Variants in ADORA3 observed in about 807,000 individuals in gnomAD.
ADORA3 encodes adenosine A3 receptor, also known as adenosine receptor A3.
ADORA3 carries 3 observed loss-of-function variants against 5.7 expected under a neutral mutation model. The ratio of observed to expected loss-of-function variants is 0.52; its 90% confidence interval spans 0.24 to 1.35. The LOEUF (loss-of-function observed/expected upper bound fraction) is 1.35. Ranked by LOEUF, ADORA3 falls within the 40% of genes most tolerant of loss-of-function variation. ADORA3 has a pLI of 0.17. For synonymous variants in ADORA3, 168 were observed against 152.3 expected, an observed-to-expected ratio of 1.10 and a Z score of -0.76; for missense variants, 343 against 389.0, an observed-to-expected ratio of 0.88 and a Z score of 0.99.
chr1:111,502,212 A>ACC (rs2100981987), intron 1 of ADORA3, among the ~76,000 whole-genome samples: 1 of 33,862 alleles, frequency 3.0e-5, no homozygotes, highest in African/African-American at 9.1e-5. Flanking sequence ...AATATATAGG[A>ACC]TATATATTTA....
rs371299718 is a variant in ADORA3 at position 111,499,939 on chromosome 1, C to T, written c.*11G>A. ...GAAGGTCAATGAGACAGAGTCATCT[C>T]TGATGGATAACTACTCAGAATTCTT... On this transcript the variant is annotated 3_prime_UTR_variant, in exon 2 of 2. Coordinates refer to ENST00000241356, the MANE Select transcript of ADORA3 (RefSeq NM_000677.4). 9.9e-6 allele frequency: 16 copies of T among 1,612,346 alleles called. No individual in the cohort carries two copies. In the African/African-American group the frequency reaches 2.0e-4, roughly 20 times the overall value.
At chr1:111,502,175 A>T (rs1214735235) in intron 1 of ADORA3, among the ~76,000 whole-genome samples, 11 of 32,982 alleles carry the variant, frequency 3.3e-4, no homozygotes, top group East Asian at 8.4e-4. Context: ...TATTATAATA[A>T]ATATATAGGA....
At chr1:111,502,046 T>A (rs1006230910) in intron 1 of ADORA3, among the ~76,000 whole-genome samples, 1 of 40,062 alleles carries the variant, frequency 2.5e-5, no homozygotes, top group Non-Finnish European at 7.5e-5. Context: ...GGATATATAT[T>A]TAATATAATA....
chr1:111,501,319 G>C (rs1339345061), intron 1 of ADORA3: 3 of 152,224 alleles, frequency 2.0e-5, no homozygotes, highest in Admixed American at 1.3e-4. Context: ...GTAAGAGTAA[G>C]AGTCCCCATT....
At chr1:111,502,192 T>C (rs1285218335) in intron 1 of ADORA3, among the ~76,000 whole-genome samples, 16 of 22,132 alleles carry the variant, frequency 7.2e-4, no homozygotes, top group African/African-American at 1.8e-3. Context: ...AGGATATATA[T>C]ATTATAATAA....
At position 111,500,120 on chromosome 1, in the gene ADORA3, C is replaced by G. The variant is rs1655088957; in HGVS notation, c.787G>C (p.Val263Leu). Residue 263 changes from valine (V) to leucine (L), a missense_variant, in exon 2 of 2, where the codon GTG (valine) becomes CTG (leucine). Physicochemically the swap from Val to Leu is conservative, Grantham distance 32. Transcript: ENST00000241356. Reference protein sequence around the residue: ...IYFNGEVPQLVLYMGILLSHA... With the variant: ...IYFNGEVPQLLLYMGILLSHA... ...GACAGCAGGATGCCCATGTACAGCA[C>G]AAGCTGTGGTACCTCACCATTAAAG... 3 of 1,613,928 alleles carry G rather than the reference C, an allele frequency of 1.9e-6. No homozygotes were observed. Among genetic ancestry groups the G allele is most frequent in the Admixed American group, 1.7e-5 (1 of 60,002 alleles).
At position 111,499,981 on chromosome 1, in the gene ADORA3, A is replaced by G. The variant is rs759126309; in HGVS notation, c.926T>C (p.Leu309Ser). The change falls in exon 2 of 2, where the codon TTG becomes TCG. Residue 309 changes from leucine to serine, a missense_variant. Coordinates refer to ENST00000241356, the MANE Select transcript of ADORA3 (RefSeq NM_000677.4). The part of the protein sequence containing the change: ...ACVVCHPSDS[L>S]DTSIEKNSE ...AGAATTCTTCTCAATGCTTGTGTCCAAAGAATCAGAGGGATGGCAGACCAC... is the reference window on the plus strand; with the variant it reads ...AGAATTCTTCTCAATGCTTGTGTCCGAAGAATCAGAGGGATGGCAGACCAC... 1 of 1,614,154 alleles carries G rather than the reference A, an allele frequency of 6.2e-7. No individual in the cohort carries two copies. Among genetic ancestry groups the G allele is most frequent in the Non-Finnish European group, 8.5e-7 (1 of 1,180,000 alleles).
At position 111,503,586 on chromosome 1, in the gene ADORA3, G is replaced by A. The variant is rs935820699; in HGVS notation, c.-232C>T. On this transcript the variant is annotated 5_prime_UTR_variant, in exon 1 of 2. Coordinates refer to ENST00000241356, the MANE Select transcript of ADORA3 (RefSeq NM_000677.4). ...GTCACTTCCAGCCCCTTTATGCACC[G>A]CACATCCTCAAGTTTCCAGAATGCT... 5.9e-6 allele frequency: 8 copies of A among 1,354,086 alleles called. No individual in the cohort carries two copies. The highest frequency in any genetic ancestry group is 3.1e-5 in the Admixed American group (1 of 32,432). The allele number at this position is 1,354,086 out of a possible 1,614,324, so 83.9% of individuals were successfully genotyped here.
In ADORA3 at chr1:111,502,279, T is replaced by A. The variant is rs1174914551; in HGVS notation, c.350+726A>T. On this transcript the variant is annotated intron_variant, in intron 1 of 1. Transcript: ENST00000241356. ...AATAAATATATAGGATATATATTCA[T>A]TATAATAAATATATAGGATATATAT... Among the ~76,000 whole-genome samples the A allele has an allele frequency of 6.0e-5, 6 of 99,706 alleles. 1 individual carries two copies. Among genetic ancestry groups the A allele is most frequent in the Admixed American group, 1.3e-4 (1 of 7,894 alleles). The allele number at this position is 99,706 out of a possible 152,430, so 65.4% of individuals were successfully genotyped here. A position where few individuals can be genotyped will look rare whatever the true frequency, so the allele number is the denominator to read the frequency against.
intron 1 of ADORA3, chr1:111,500,852 G>A (rs968720152): frequency 1.4e-5 from 7 of 492,782 alleles, no homozygotes; most frequent in Non-Finnish European, 1.8e-5. Flanking sequence ...CTAGAGTCAA[G>A]TGCTTACGTG....
At position 111,500,115 on chromosome 1, in the gene ADORA3, C is replaced by T. The variant is rs1435662288; in HGVS notation, c.792G>A (p.Leu264=). The T allele has an allele frequency of 6.2e-7, 1 of 1,614,146 alleles. No homozygotes were observed. The highest frequency in any genetic ancestry group is 8.5e-7 in the Non-Finnish European group (1 of 1,180,008). Residue 264 remains leucine, a synonymous_variant, in exon 2 of 2, where the codon CTG becomes CTA. Transcript: ENST00000241356. ...YFNGEVPQLV[L]YMGILLSHAN... Reference sequence around the variant, plus strand: ...CATGGGACAGCAGGATGCCCATGTACAGCACAAGCTGTGGTACCTCACCAT... The same window carrying T: ...CATGGGACAGCAGGATGCCCATGTATAGCACAAGCTGTGGTACCTCACCAT...
Position 111,500,550 on chromosome 1 carries a change from C to T in ADORA3, c.357G>A (p.Lys119=), listed in dbSNP as rs1195337742. The T allele has an allele frequency of 1.2e-6, 2 of 1,613,656 alleles. No homozygotes were observed. The highest frequency in any genetic ancestry group is 1.7e-6 in the Non-Finnish European group (2 of 1,179,678). ...YLRVKLTVRY[K]RVTTHRRIWL... The stretch of plus-strand genomic sequence containing the variant: ...ATATTCTTCTGTGAGTGGTGACCCT[C>T]TTGTATCTGTGTGAATGAAGAGAGT... Residue 119 remains lysine (K), a synonymous_variant, in exon 2 of 2, where the codon AAG becomes AAA. Coordinates refer to ENST00000241356, the MANE Select transcript of ADORA3 (RefSeq NM_000677.4).
Position 111,499,677 on chromosome 1 carries a change from G to T in ADORA3, c.*273C>A. 4 of 1,221,506 alleles carry T rather than the reference G, an allele frequency of 3.3e-6. No individual in the cohort carries two copies. In the South Asian group the frequency reaches 5.9e-5, roughly 18 times the overall value. 75.7% of individuals were successfully genotyped at this position (1,221,506 alleles called of 1,614,324 possible). On this transcript the variant is annotated 3_prime_UTR_variant, in exon 2 of 2. Coordinates refer to ENST00000241356, the MANE Select transcript of ADORA3 (RefSeq NM_000677.4). ...GCTCCATGACTTATTCTTCTATTGG[G>T]AAGAAGGAAAACAGACAATAATATC...
At chr1:111,502,457 A>G (rs1210386999) in intron 1 of ADORA3, among the ~76,000 whole-genome samples, 1 of 143,612 alleles carries the variant, frequency 7.0e-6, no homozygotes, top group African/African-American at 2.5e-5. Context: ...GAATATATAT[A>G]GGATACATAT....
Position 111,499,874 on chromosome 1 carries a change from C to T in ADORA3, c.*76G>A. The stretch of plus-strand genomic sequence containing the variant: ...TCAAGGATGTAAAAATCCCTTGGCC[C>T]AGGCATACAGGCCCTCAAGTGTTTG... On this transcript the variant is annotated 3_prime_UTR_variant, in exon 2 of 2. Transcript: ENST00000241356. 21 of 1,559,060 alleles carry T rather than the reference C, an allele frequency of 1.3e-5. No individual in the cohort carries two copies. The highest frequency in any genetic ancestry group is 1.8e-5 in the Non-Finnish European group (21 of 1,154,750).
chr1:111,502,285 T>C (rs1655258455), intron 1 of ADORA3, among the ~76,000 whole-genome samples: 1 of 100,590 alleles, frequency 9.9e-6, no homozygotes, highest in Non-Finnish European at 1.9e-5. Flanking sequence ...TTCATTATAA[T>C]AAATATATAG....
intron 1 of ADORA3, 45 bp downstream of exon 1, chr1:111,502,959 AT>A: frequency 1.3e-6 from 2 of 1,598,178 alleles, no homozygotes; most frequent in Non-Finnish European, 1.7e-6. Context: ...TTGTAGCCTC[AT>A]TTCCCAGCTG....
rs773744892 is a variant in ADORA3 at position 111,500,446 on chromosome 1, G to A, written c.461C>T (p.Thr154Ile). ...GGTGACATTTCTGTGGTACTCTGAGGTCAGTTTCATGTTCCAGCCAAACAT... is the reference window on the plus strand; with the variant it reads ...GGTGACATTTCTGTGGTACTCTGAGATCAGTTTCATGTTCCAGCCAAACAT... Reference protein sequence around the residue: ...TPMFGWNMKLTSEYHRNVTFL... With the variant: ...TPMFGWNMKLISEYHRNVTFL... The change falls in exon 2 of 2, where the codon ACC (threonine) becomes ATC (isoleucine). Residue 154 changes from threonine to isoleucine, a missense_variant. Coordinates refer to ENST00000241356, the MANE Select transcript of ADORA3 (RefSeq NM_000677.4). 1 of 1,614,198 alleles carries A rather than the reference G, an allele frequency of 6.2e-7. No individual in the cohort carries two copies. Among genetic ancestry groups the A allele is most frequent in the Non-Finnish European group, 8.5e-7 (1 of 1,180,042 alleles).
At chr1:111,500,911 T>C in intron 1 of ADORA3, 1 of 337,672 alleles carries the variant, frequency 3.0e-6, no homozygotes, top group Admixed American at 5.4e-5. Flanking sequence ...GTTACCTATC[T>C]TTTCTTTTTC....
Sources: allele counts gnomAD v4.1 joint callset (sites outside exome capture counted in the v4.1 genomes callset), GRCh38; gene constraint gnomAD v4.1.1; transcripts MANE v1.5; gene names NCBI Gene and HGNC (gene_info 2026-07-23, HGNC 2026-07-21).